The following CDH18 variants were observed in gnomAD, a reference collection of about 807,000 sequenced individuals.
CDH18 encodes the protein cadherin 18.
A neutral mutation model predicts 67.9 loss-of-function variants in CDH18; 31 were observed. The ratio of observed to expected loss-of-function variants is 0.46; its 90% CI spans 0.34 to 0.62. The LOEUF is 0.62. Among genes scored for constraint, CDH18 ranks in the 20% least tolerant of loss-of-function variants. The pLI is 0.01. For synonymous variants in CDH18, 362 were observed against 347.2 expected (o/e 1.04, Z -0.48); for missense variants, 890 against 975.5 (o/e 0.91, Z 1.17).
chr5:19,593,882 T>C lies in CDH18; in HGVS notation c.812-2638A>G, dbSNP rs868589159. On this transcript the variant is annotated intron_variant, in intron 6 of 12. Transcript: ENST00000382275. Reference sequence around the variant, plus strand: ...TTCACTCTGTAGATTGTTTCCTTTGTTGTGTTAAAAATTTACAACTTGATA... The same window carrying C: ...TTCACTCTGTAGATTGTTTCCTTTGCTGTGTTAAAAATTTACAACTTGATA... 1.2e-4 allele frequency among the ~76,000 whole-genome samples: 18 copies of C among 152,130 alleles called. No individual in the cohort carries two copies. The Middle Eastern group carries it at 0.02, about 172-fold the overall frequency.
chr5:20,548,439 T>TTGTGTG (rs70954668), intron 1 of CDH18, among the ~76,000 whole-genome samples: 57,507 of 146,638 alleles, frequency 0.39, 11,397 homozygotes, highest in East Asian at 0.52. Context: ...GAGAACATGT[T>TTGTGTG]TGTGTGTGTG....
At chr5:19,890,256 T>C (rs1225154239) in intron 2 of CDH18, among the ~76,000 whole-genome samples, 2 of 152,126 alleles carry the variant, frequency 1.3e-5, no homozygotes, top group African/African-American at 4.8e-5. Context: ...TCCACCTTCC[T>C]GGACTGTCAC....
intron 1 of CDH18, among the ~76,000 whole-genome samples, chr5:20,342,065 G>T (rs537843350): frequency 3.3e-5 from 5 of 152,194 alleles, no homozygotes; most frequent in Admixed American, 2.0e-4. Flanking sequence ...TAAGAGTTTT[G>T]TCTCCTGGAG....
rs1442472265 is a variant in CDH18, at chr5:19,755,454, TATATACAC to T, written c.229-8226_229-8219del. ...ATGTATATATATATATATATATATATATATACACACACACACACACATACATAGATATA... is the reference window on the plus strand; with the variant it reads ...ATGTATATATATATATATATATATATACACACACACACATACATAGATATA... On this transcript the variant is annotated intron_variant, in intron 3 of 12. Coordinates refer to ENST00000382275, the MANE Select transcript of CDH18 (RefSeq NM_004934.5). 4.6e-4 allele frequency among the ~76,000 whole-genome samples: 9 copies of T among 19,432 alleles called. 2 individuals are homozygous for T. The highest frequency in any genetic ancestry group is 1.4e-3 in the Non-Finnish European group (4 of 2,854). The allele number at this position is 19,432 out of a possible 152,430, so 12.7% of individuals were successfully genotyped here. A position where few individuals can be genotyped will look rare whatever the true frequency, so the allele number is the denominator to read the frequency against.
intron 5 of CDH18, among the ~76,000 whole-genome samples, chr5:19,655,613 G>T (rs936882950): frequency 1.3e-5 from 2 of 151,938 alleles, no homozygotes; most frequent in African/African-American, 4.8e-5. Context: ...CTAACTCTGC[G>T]TATCATCTAC....
At chr5:20,493,689 T>C (rs557268145) in intron 1 of CDH18, among the ~76,000 whole-genome samples, 2 of 152,192 alleles carry the variant, frequency 1.3e-5, no homozygotes, top group East Asian at 3.9e-4. Flanking sequence ...TCCTCTTTTG[T>C]TGGTCCTGTG....
intron 2 of CDH18, among the ~76,000 whole-genome samples, chr5:20,249,132 G>C (rs531195101): frequency 3.3e-5 from 5 of 152,198 alleles, no homozygotes; most frequent in Admixed American, 2.6e-4. Flanking sequence ...AGATATGTTA[G>C]TATTCAGCAT....
At chr5:19,831,564 A>G (rs528147464) in intron 3 of CDH18, among the ~76,000 whole-genome samples, 2 of 152,214 alleles carry the variant, frequency 1.3e-5, no homozygotes, top group South Asian at 4.1e-4. Context: ...ACCATCTCAC[A>G]CCAGTCAGAA....
chr5:20,170,822 A>G (rs747622633), intron 2 of CDH18, among the ~76,000 whole-genome samples: 1 of 151,930 alleles, frequency 6.6e-6, no homozygotes, highest in African/African-American at 2.4e-5. Flanking sequence ...CCTTGTACCC[A>G]AAAGTCTTTT....
At chr5:20,531,468 G>A (rs368288383) in intron 1 of CDH18, among the ~76,000 whole-genome samples, 5 of 151,970 alleles carry the variant, frequency 3.3e-5, no homozygotes, top group African/African-American at 1.2e-4. Context: ...GTTCACAATA[G>A]CAAAGACATG....
At chr5:20,077,624 G>A (rs2150535107) in intron 2 of CDH18, among the ~76,000 whole-genome samples, 1 of 152,256 alleles carries the variant, frequency 6.6e-6, no homozygotes, top group African/African-American at 2.4e-5. Flanking sequence ...TGTTGGAAAA[G>A]AAGAATTGTT....
intron 2 of CDH18, among the ~76,000 whole-genome samples, chr5:19,864,678 G>C (rs1199217475): frequency 6.6e-6 from 1 of 152,112 alleles, no homozygotes; most frequent in Non-Finnish European, 1.5e-5. Flanking sequence ...CCTGGATCTT[G>C]GGACTTTTAT....
intron 1 of CDH18, among the ~76,000 whole-genome samples, chr5:20,287,311 C>T (rs79193400): frequency 0.025 from 3,745 of 151,806 alleles, 163 homozygotes; most frequent in African/African-American, 0.084. Flanking sequence ...GAATCAATCA[C>T]ATACTGAGTC....
At chr5:19,581,807 T>C (rs948107448) in intron 7 of CDH18, among the ~76,000 whole-genome samples, 3 of 150,344 alleles carry the variant, frequency 2.0e-5, no homozygotes, top group South Asian at 2.1e-4. Flanking sequence ...TATATTATGG[T>C]ATTTTGTCAA....
intron 8 of CDH18, among the ~76,000 whole-genome samples, chr5:19,570,490 A>G (rs928125666): frequency 6.6e-6 from 1 of 152,170 alleles, no homozygotes; most frequent in Non-Finnish European, 1.5e-5. Context: ...GCTTATGAAA[A>G]AGAAAATTCA....
intron 1 of CDH18, among the ~76,000 whole-genome samples, chr5:20,559,345 T>G (rs1176145025): frequency 1.3e-5 from 2 of 152,012 alleles, no homozygotes; most frequent in Non-Finnish European, 2.9e-5. Flanking sequence ...TGTAAGCAGG[T>G]AGTATGGGAT....
chr5:20,126,243 A>C (rs1225968441), intron 2 of CDH18, among the ~76,000 whole-genome samples: 1 of 152,202 alleles, frequency 6.6e-6, no homozygotes, highest in African/African-American at 2.4e-5. Context: ...TGATACTGGG[A>C]AAAGTGCATA....
intron 6 of CDH18, among the ~76,000 whole-genome samples, chr5:19,604,751 A>G (rs1451856751): frequency 6.6e-6 from 1 of 152,104 alleles, no homozygotes; most frequent in Non-Finnish European, 1.5e-5. Context: ...CAGAATCTTT[A>G]CTGTTCTAAG....
At chr5:20,056,404 G>T (rs13189466) in intron 2 of CDH18, among the ~76,000 whole-genome samples, 109,494 of 140,114 alleles carry the variant, frequency 0.78, 43,708 homozygotes, top group Non-Finnish European at 0.88. Context: ...TTGTTTGTTT[G>T]TTTTTTAATC....
Sources: gnomAD v4.1 joint callset for allele counts (sites outside exome capture counted in the v4.1 genomes callset) on GRCh38, gnomAD v4.1.1 for gene constraint, MANE v1.5 for transcripts, NCBI Gene and HGNC (gene_info 2026-07-23, HGNC 2026-07-21) for gene names.